The following MECOM variants were observed in gnomAD, a reference collection of about 807,000 sequenced individuals.
MECOM encodes the protein MDS1 and EVI1 complex locus, also known as histone-lysine N-methyltransferase MECOM.
MECOM carries 13 observed loss-of-function variants against 116.3 expected under a neutral mutation model. That is an observed-to-expected ratio of 0.11 (90% CI 0.07 to 0.18). MECOM has a LOEUF of 0.18. Among genes scored for constraint, MECOM ranks in the 10% least tolerant of loss-of-function variants. MECOM has a pLI of 1.00. For missense variants in MECOM, 1,299 were observed against 1,509.0 expected (o/e 0.86, Z 2.31); for synonymous variants, 528 against 535.2 (o/e 0.99, Z 0.19).
intron 1 of MECOM, among the ~76,000 whole-genome samples, chr3:169,571,243 T>C (rs1763864459): frequency 6.6e-6 from 1 of 152,126 alleles, no homozygotes; most frequent in Non-Finnish European, 1.5e-5. Context: ...CATTCACAAC[T>C]GCTACAAAGA....
chr3:169,513,180 G>A (rs756996442), intron 1 of MECOM, among the ~76,000 whole-genome samples: 4 of 152,198 alleles, frequency 2.6e-5, no homozygotes, highest in Non-Finnish European at 5.9e-5. Flanking sequence ...GTCTAGACCA[G>A]ATTTCCCAGC....
chr3:169,099,329 G>A (rs1722798710), intron 12 of MECOM, among the ~76,000 whole-genome samples: 1 of 152,154 alleles, frequency 6.6e-6, no homozygotes, highest in Non-Finnish European at 1.5e-5. Context: ...AAACATGAGT[G>A]TGGAAACCTT....
At chr3:169,634,813 G>A (rs1299876907) in intron 1 of MECOM, among the ~76,000 whole-genome samples, 1 of 152,066 alleles carries the variant, frequency 6.6e-6, no homozygotes, top group Admixed American at 6.5e-5. Flanking sequence ...GTGAACCAGA[G>A]TCTAGATGCA....
intron 1 of MECOM, among the ~76,000 whole-genome samples, chr3:169,436,290 G>A (rs1177549871): frequency 9.6e-6 from 1 of 104,614 alleles, no homozygotes; most frequent in Non-Finnish European, 1.8e-5. Flanking sequence ...CGCTCTTGTT[G>A]CCCAGGCTGG....
chr3:169,453,214 AC>A (rs1226396136), intron 1 of MECOM, among the ~76,000 whole-genome samples: 1 of 152,246 alleles, frequency 6.6e-6, no homozygotes, highest in Non-Finnish European at 1.5e-5. Flanking sequence ...GCATGACAGA[AC>A]AAAAAGCCTT....
chr3:169,093,189 G>T (rs1720346408), intron 13 of MECOM, 87 bp from the exon 14 acceptor site: 2 of 1,388,680 alleles, frequency 1.4e-6, no homozygotes, highest in Non-Finnish European at 1.9e-6. Context: ...AATTTGATCA[G>T]TGCTGTTTCT....
At position 169,220,537 on chromosome 3, in the gene MECOM, C is replaced by T. The variant is rs970874084; in HGVS notation, c.376-76705G>A. The stretch of plus-strand genomic sequence containing the variant: ...TCACCCAGACTGGAGTGCAGTAGCT[C>T]GATTTTGGCTCACTGCAACCTCCGC... On this transcript the variant is annotated intron_variant, in intron 2 of 16. Coordinates refer to ENST00000651503, the MANE Select transcript of MECOM (RefSeq NM_004991.4). 2.6e-5 allele frequency among the ~76,000 whole-genome samples: 4 copies of T among 151,994 alleles called. No homozygotes were observed. The East Asian group carries it at 7.7e-4, about 29-fold the overall frequency.
intron 16 of MECOM, among the ~76,000 whole-genome samples, chr3:169,088,483 T>C (rs1718590611): frequency 6.6e-6 from 1 of 152,186 alleles, no homozygotes; most frequent in African/African-American, 2.4e-5. Flanking sequence ...TAAGTTGGTG[T>C]AGACCTTTGG....
At chr3:169,516,432 G>A (rs78435446) in intron 1 of MECOM, among the ~76,000 whole-genome samples, 97 of 152,018 alleles carry the variant, frequency 6.4e-4, no homozygotes, top group African/African-American at 2.1e-3. Context: ...TATGAATAGC[G>A]TACTCAATTT....
intron 2 of MECOM, among the ~76,000 whole-genome samples, chr3:169,378,185 T>G (rs1560195773): frequency 6.6e-6 from 1 of 150,400 alleles, no homozygotes; most frequent in Non-Finnish European, 1.5e-5. Context: ...GGTGGGGGGC[T>G]AGGGGAGGGA....
chr3:169,433,985 G>A (rs1211719589), intron 1 of MECOM, among the ~76,000 whole-genome samples: 1 of 152,140 alleles, frequency 6.6e-6, no homozygotes, highest in Non-Finnish European at 1.5e-5. Flanking sequence ...TTAATAATGG[G>A]GAGGTGGCAG....
At chr3:169,572,143 A>T (rs1763980520) in intron 1 of MECOM, among the ~76,000 whole-genome samples, 1 of 152,252 alleles carries the variant, frequency 6.6e-6, no homozygotes, top group Non-Finnish European at 1.5e-5. Context: ...CAAATTTACA[A>T]GAAACTATCA....
intron 2 of MECOM, among the ~76,000 whole-genome samples, chr3:169,277,868 CAA>C (rs1280403626): frequency 6.6e-6 from 1 of 152,176 alleles, no homozygotes; most frequent in East Asian, 1.9e-4. Flanking sequence ...GGGTTTCTCC[CAA>C]AGAGATGCCC....
At chr3:169,240,000 C>T (rs1255004406) in intron 2 of MECOM, among the ~76,000 whole-genome samples, 1 of 152,168 alleles carries the variant, frequency 6.6e-6, no homozygotes, top group African/African-American at 2.4e-5. Context: ...CTGATAATTT[C>T]CTGTCTACAT....
intron 1 of MECOM, among the ~76,000 whole-genome samples, chr3:169,448,280 A>G (rs1199948415): frequency 1.3e-5 from 2 of 152,216 alleles, no homozygotes; most frequent in Non-Finnish European, 2.9e-5. Context: ...GGGAATGCTT[A>G]GGTGCCTGAC....
At chr3:169,291,418 C>T (rs1714529887) in intron 2 of MECOM, among the ~76,000 whole-genome samples, 2 of 152,092 alleles carry the variant, frequency 1.3e-5, no homozygotes, top group South Asian at 4.1e-4. Flanking sequence ...TGCCCTAAAA[C>T]TTGGCTTATA....
intron 1 of MECOM, among the ~76,000 whole-genome samples, chr3:169,509,303 T>G (rs1232979967): frequency 6.6e-6 from 1 of 152,206 alleles, no homozygotes; most frequent in African/African-American, 2.4e-5. Flanking sequence ...AAAATCTATT[T>G]TTCTATCACC....
chr3:169,207,876 G>A (rs1188023356), intron 2 of MECOM, among the ~76,000 whole-genome samples: 1 of 152,096 alleles, frequency 6.6e-6, no homozygotes, highest in African/African-American at 2.4e-5. Context: ...AGCAGCTCTT[G>A]TTCCCCCACC....
chr3:169,661,048 G>T (rs2110136326), intron 1 of MECOM, among the ~76,000 whole-genome samples: 1 of 152,310 alleles, frequency 6.6e-6, no homozygotes. Context: ...TCATCAGATC[G>T]GAAACGAGGC....
Sources: gnomAD v4.1 joint callset for allele counts (sites outside exome capture counted in the v4.1 genomes callset) on GRCh38, gnomAD v4.1.1 for gene constraint, MANE v1.5 for transcripts, NCBI Gene and HGNC (gene_info 2026-07-23, HGNC 2026-07-21) for gene names.